Variants in SCG5 observed in about 807,000 individuals in gnomAD.
SCG5 encodes the protein neuroendocrine protein 7B2.
Under a neutral mutation model 25.7 loss-of-function variants are expected in SCG5, and 18 were observed. That is an observed-to-expected ratio of 0.70 (90% confidence interval 0.48 to 1.04). The LOEUF (loss-of-function observed/expected upper bound fraction) is 1.04, where lower values mean the gene tolerates loss of function less well. Ranked by LOEUF, SCG5 falls within the 50% of genes least tolerant of loss-of-function variation. SCG5 has a pLI of 0.00. For missense variants in SCG5, 206 were observed against 259.8 expected (o/e 0.79, Z 1.42); for synonymous variants, 101 against 91.7 (o/e 1.10, Z -0.58).
At chr15:32,654,797 A>G (rs1369851027) in intron 2 of SCG5, among the ~76,000 whole-genome samples, 6 of 152,144 alleles carry the variant, frequency 3.9e-5, no homozygotes, top group African/African-American at 1.4e-4. Context: ...CACCCACTAA[A>G]TATTTGTTGA....
chr15:32,647,868 G>A (rs1012958446), intron 2 of SCG5, among the ~76,000 whole-genome samples: 4 of 151,912 alleles, frequency 2.6e-5, no homozygotes, highest in East Asian at 1.9e-4. Flanking sequence ...TTTCTCTGGC[G>A]GCCTTTAAAA....
chr15:32,646,091 AGGCGTGAGCC>A (rs2053940872), intron 2 of SCG5, among the ~76,000 whole-genome samples: 1 of 150,720 alleles, frequency 6.6e-6, no homozygotes, highest in Admixed American at 6.6e-5. Flanking sequence ...CTGGGATCAC[AGGCGTGAGCC>A]ACCACACCCG....
At chr15:32,650,378 G>A (rs942619368) in intron 2 of SCG5, among the ~76,000 whole-genome samples, 8 of 152,144 alleles carry the variant, frequency 5.3e-5, no homozygotes, top group Admixed American at 4.6e-4. Context: ...TGGGATTACA[G>A]GCGTGAGCCA....
chr15:32,671,871 G>A (rs972436082), intron 2 of SCG5, among the ~76,000 whole-genome samples: 1 of 152,082 alleles, frequency 6.6e-6, no homozygotes, highest in East Asian at 1.9e-4. Context: ...CCCCTTCCTC[G>A]CCCCACTCCG....
intron 2 of SCG5, among the ~76,000 whole-genome samples, chr15:32,679,054 T>C (rs771756435): frequency 6.6e-6 from 1 of 152,216 alleles, no homozygotes; most frequent in Non-Finnish European, 1.5e-5. Context: ...TTGCCTTCCT[T>C]TCTTGACCCA....
chr15:32,674,865 C>G (rs1029652207), intron 2 of SCG5, among the ~76,000 whole-genome samples: 3 of 152,142 alleles, frequency 2.0e-5, no homozygotes, highest in Non-Finnish European at 4.4e-5. Context: ...AAAAGATTGG[C>G]AGATTTTTAT....
At chr15:32,690,324 T>G (rs946472767) in intron 4 of SCG5, among the ~76,000 whole-genome samples, 10 of 152,148 alleles carry the variant, frequency 6.6e-5, no homozygotes, top group Admixed American at 6.5e-4. Context: ...GAAGAAGACA[T>G]GTCCTCACCC....
chr15:32,662,535 T>C (rs866564700), intron 2 of SCG5, among the ~76,000 whole-genome samples: 1 of 151,686 alleles, frequency 6.6e-6, no homozygotes, highest in Non-Finnish European at 1.5e-5. Context: ...ATTGCTTCTT[T>C]ATTAGATCTA....
chr15:32,673,711 T>C (rs1273213123), intron 2 of SCG5, among the ~76,000 whole-genome samples: 1 of 152,110 alleles, frequency 6.6e-6, no homozygotes. Context: ...AACTATTGCA[T>C]CTGGGACCAT....
intron 4 of SCG5, among the ~76,000 whole-genome samples, chr15:32,685,195 A>G (rs78106832): frequency 0.058 from 8,892 of 152,332 alleles, 302 homozygotes; most frequent in Non-Finnish European, 0.07. Flanking sequence ...AGGTAAGTGC[A>G]TATAGCTGTC....
intron 2 of SCG5, among the ~76,000 whole-genome samples, chr15:32,671,739 A>G (rs1283412719): frequency 6.6e-6 from 1 of 150,558 alleles, no homozygotes; most frequent in Non-Finnish European, 1.5e-5. Flanking sequence ...GGCAAGTTGG[A>G]CCTTAGGAAG....
intron 2 of SCG5, among the ~76,000 whole-genome samples, chr15:32,663,032 AATATATATATATATATAT>A (rs67571496): frequency 0.12 from 9,210 of 79,132 alleles, 711 homozygotes; most frequent in Middle Eastern, 0.13. Flanking sequence ...AAAAAAAAAG[AATATATATATATATATAT>A]ATATATATAT....
At chr15:32,657,197 C>A (rs2054131223) in intron 2 of SCG5, among the ~76,000 whole-genome samples, 1 of 4,308 alleles carries the variant, frequency 2.3e-4, no homozygotes, top group Admixed American at 4.5e-3. Context: ...TTTCATCCTC[C>A]TGTATATATA....
chr15:32,688,890 C>T (rs914629596), intron 4 of SCG5, among the ~76,000 whole-genome samples: 12 of 146,494 alleles, frequency 8.2e-5, no homozygotes, highest in African/African-American at 1.5e-4. Context: ...ACCCAGGAGG[C>T]GGAGCTTGCA....
intron 2 of SCG5, chr15:32,665,670 A>G (rs1389488166): frequency 6.6e-6 from 1 of 152,152 alleles, no homozygotes; most frequent in African/African-American, 2.4e-5. Flanking sequence ...TTTTCGTGGC[A>G]GTTTCACTGT....
chr15:32,691,025 CT>C (rs2054845347), intron 4 of SCG5, among the ~76,000 whole-genome samples: 1 of 151,648 alleles, frequency 6.6e-6, no homozygotes, highest in African/African-American at 2.4e-5. Flanking sequence ...GAGCATGTGT[CT>C]GATATTCTAG....
In SCG5 at chr15:32,679,789, C is replaced by T; in HGVS notation, c.250C>T (p.His84Tyr). Reference sequence around the variant, plus strand: ...AGGTGGAGCTCATGAAGGACTTCAGCATTTGGGTCCTTTTGGCAACATCCC... The same window carrying T: ...AGGTGGAGCTCATGAAGGACTTCAGTATTTGGGTCCTTTTGGCAACATCCC... ...IEGGAHEGLQ[H>Y]LGPFGNIPNI... Residue 84 changes from histidine (H) to tyrosine (Y), a missense_variant, in exon 3 of 6, where the codon CAT becomes TAT. His to Tyr is a moderately conservative substitution (Grantham distance 83). Coordinates refer to ENST00000300175, the MANE Select transcript of SCG5 (RefSeq NM_001144757.3). 1.2e-6 allele frequency: 2 copies of T among 1,613,978 alleles called. No homozygotes were observed. The highest frequency in any genetic ancestry group is 1.7e-6 in the Non-Finnish European group (2 of 1,179,860).
intron 2 of SCG5, among the ~76,000 whole-genome samples, chr15:32,646,679 T>TG (rs1292600730): frequency 6.6e-6 from 1 of 152,182 alleles, no homozygotes; most frequent in Non-Finnish European, 1.5e-5. Flanking sequence ...CAAAGATACT[T>TG]GGGGCAAAAA....
intron 2 of SCG5, among the ~76,000 whole-genome samples, chr15:32,676,555 T>C (rs2054533961): frequency 6.6e-6 from 1 of 152,204 alleles, no homozygotes; most frequent in Non-Finnish European, 1.5e-5. Context: ...GCTTCAAATA[T>C]ATCAATACCA....
Sources: gnomAD v4.1 joint callset for allele counts (sites outside exome capture counted in the v4.1 genomes callset) on GRCh38, gnomAD v4.1.1 for gene constraint, MANE v1.5 for transcripts, NCBI Gene and HGNC (gene_info 2026-07-23, HGNC 2026-07-21) for gene names.